The following DCDC1 variants were observed in gnomAD, a reference collection of about 807,000 sequenced individuals.
The protein encoded by DCDC1 is doublecortin domain containing 1, also known as doublecortin domain-containing protein 1.
DCDC1 carries 200 observed loss-of-function variants against 178.3 expected under a neutral mutation model. The observed-to-expected ratio is 1.12, with a 90% CI of 1.00 to 1.26. DCDC1 has a LOEUF of 1.26. Among genes scored for constraint, DCDC1 ranks in the 50% most tolerant of loss-of-function variants. The pLI is 0.00. For missense variants in DCDC1, 1,983 were observed against 1,749.2 expected, an observed-to-expected ratio of 1.13 and a Z score of -2.38; for synonymous variants, 690 against 604.8, an observed-to-expected ratio of 1.14 and a Z score of -2.07.
In DCDC1 at chr11:30,922,785, C is replaced by T. The variant is rs371731836; in HGVS notation, c.2998-147G>A. 118 of 750,788 alleles carry T rather than the reference C, an allele frequency of 1.6e-4. 1 individual carries two copies. The East Asian group carries it at 4.0e-3, about 25-fold the overall frequency. 46.5% of individuals were successfully genotyped at this position (750,788 alleles called of 1,614,324 possible). The stretch of plus-strand genomic sequence containing the variant: ...AAAGAAAACTGTGTACCACTCAGTA[C>T]TTTCAAAAAAATCAAACTGCTGATA... On this transcript the variant is annotated intron_variant, in intron 23 of 38. Transcript: ENST00000684477.
intron 11 of DCDC1, among the ~76,000 whole-genome samples, chr11:31,114,171 T>C (rs1218539127): frequency 6.6e-6 from 1 of 152,144 alleles, no homozygotes; most frequent in African/African-American, 2.4e-5. Flanking sequence ...ACTCAATGTA[T>C]CCCTAATTCA....
At chr11:31,195,233 A>T (rs1970560918) in intron 9 of DCDC1, among the ~76,000 whole-genome samples, 2 of 152,116 alleles carry the variant, frequency 1.3e-5, no homozygotes, top group African/African-American at 4.8e-5. Flanking sequence ...TAAAGAGTGG[A>T]TTGGAAGTTA....
rs758747670 is a variant in DCDC1 at position 30,911,415 on chromosome 11, A to G, written c.3659T>C (p.Phe1220Ser). The G allele has an allele frequency of 5.6e-6, 9 of 1,595,612 alleles. No individual in the cohort carries two copies. Among genetic ancestry groups the G allele is most frequent in the East Asian group, 2.3e-5 (1 of 44,308 alleles). The change falls in exon 28 of 39, where the codon TTT becomes TCT. Residue 1220 changes from phenylalanine (F) to serine (S), a missense_variant. Physicochemically the swap from Phe to Ser is radical, Grantham distance 155. Transcript: ENST00000684477. ...AAGGTCAGGGTTACTCACAAGGTGAAAGGTCCTTGGGAAAACAGGATTAGC... is the reference window on the plus strand; with the variant it reads ...AAGGTCAGGGTTACTCACAAGGTGAGAGGTCCTTGGGAAAACAGGATTAGC... ...RWIHQEDSRTFHLVSNPDLVL... is the reference protein window; with the variant it reads ...RWIHQEDSRTSHLVSNPDLVL...
chr11:31,326,414 AT>A (rs1343596253), intron 3 of DCDC1, among the ~76,000 whole-genome samples: 1 of 152,234 alleles, frequency 6.6e-6, no homozygotes, highest in East Asian at 1.9e-4. Context: ...AATAGTTAGA[AT>A]AAAAAGTGAA....
chr11:31,014,993 G>A (rs1952401554), intron 20 of DCDC1, among the ~76,000 whole-genome samples: 1 of 151,222 alleles, frequency 6.6e-6, no homozygotes, highest in South Asian at 2.1e-4. Context: ...TGTCGCCCGG[G>A]CTGGATTGCA....
chr11:31,304,307 T>C (rs1047511779), intron 6 of DCDC1, among the ~76,000 whole-genome samples: 2 of 152,144 alleles, frequency 1.3e-5, no homozygotes, highest in South Asian at 4.1e-4. Context: ...AGGATCTTAA[T>C]GAAGCAATCA....
At chr11:31,177,161 G>T (rs906944496) in intron 9 of DCDC1, among the ~76,000 whole-genome samples, 1 of 152,028 alleles carries the variant, frequency 6.6e-6, no homozygotes, top group African/African-American at 2.4e-5. Context: ...ATAAATTGTT[G>T]GGAGGAGGGG....
chr11:31,211,988 C>A (rs1443837680), intron 9 of DCDC1, among the ~76,000 whole-genome samples: 2 of 148,622 alleles, frequency 1.3e-5, no homozygotes, highest in Non-Finnish European at 3.0e-5. Flanking sequence ...GAGGCTGAGG[C>A]AAGAGAATGG....
At chr11:31,262,033 G>A (rs1944823206) in intron 8 of DCDC1, among the ~76,000 whole-genome samples, 1 of 151,890 alleles carries the variant, frequency 6.6e-6, no homozygotes. Flanking sequence ...GGGAGGCCAA[G>A]GTAGGAGGAT....
intron 18 of DCDC1, among the ~76,000 whole-genome samples, chr11:31,077,607 G>A (rs1246649258): frequency 2.0e-5 from 3 of 152,020 alleles, no homozygotes; most frequent in Non-Finnish European, 4.4e-5. Context: ...GAAGAAAACT[G>A]ATGCCCTAAA....
chr11:31,040,894 T>C (rs1385655268), intron 20 of DCDC1, among the ~76,000 whole-genome samples: 2 of 152,148 alleles, frequency 1.3e-5, no homozygotes, highest in Admixed American at 1.3e-4. Flanking sequence ...TCCTCTGGGG[T>C]TGATGTGGTG....
intron 20 of DCDC1, among the ~76,000 whole-genome samples, chr11:30,970,768 C>A (rs1298848253): frequency 6.6e-6 from 1 of 152,202 alleles, no homozygotes; most frequent in Non-Finnish European, 1.5e-5. Context: ...ATCCTTCCCC[C>A]AACTCAACCT....
chr11:31,337,941 G>A (rs901360321), intron 1 of DCDC1, among the ~76,000 whole-genome samples: 1 of 152,096 alleles, frequency 6.6e-6, no homozygotes, highest in African/African-American at 2.4e-5. Flanking sequence ...CACAAAGCTG[G>A]CCGAAAAACA....
intron 8 of DCDC1, among the ~76,000 whole-genome samples, chr11:31,253,172 G>C (rs764719031): frequency 1.3e-5 from 2 of 152,086 alleles, no homozygotes; most frequent in Non-Finnish European, 2.9e-5. Context: ...CATTGCAAAT[G>C]TAATTCAACA....
At position 31,194,223 on chromosome 11, in the gene DCDC1, C is replaced by T. The variant is rs147352174; in HGVS notation, c.1221+47227G>A. Among the ~76,000 whole-genome samples, 558 of 152,204 alleles carry T rather than the reference C, an allele frequency of 3.7e-3. 2 individuals are homozygous for T. Among genetic ancestry groups the T allele is most frequent in the African/African-American group, 0.013 (535 of 41,550 alleles). ...TCAGTGTTTAATGTCGACAAGATTA[C>T]TTCTTGTTGTGCCACTTGGGTGCAT... is the stretch of plus-strand genomic sequence containing the variant. On this transcript the variant is annotated intron_variant, in intron 9 of 38. Transcript: ENST00000684477.
At chr11:30,973,430 C>T (rs1949924641) in intron 20 of DCDC1, among the ~76,000 whole-genome samples, 1 of 152,024 alleles carries the variant, frequency 6.6e-6, no homozygotes, top group African/African-American at 2.4e-5. Context: ...TCCTTTACAG[C>T]CTGTGGAACC....
intron 29 of DCDC1, among the ~76,000 whole-genome samples, chr11:30,908,248 C>A (rs1443649555): frequency 6.6e-6 from 1 of 152,046 alleles, no homozygotes; most frequent in Non-Finnish European, 1.5e-5. Context: ...AATCTAATTA[C>A]AACTATAGGA....
chr11:31,017,139 A>G (rs981997024), intron 20 of DCDC1, among the ~76,000 whole-genome samples: 1 of 152,246 alleles, frequency 6.6e-6, no homozygotes, highest in Non-Finnish European at 1.5e-5. Context: ...GAAGTAAAAA[A>G]AAGATTAGCT....
intron 17 of DCDC1, among the ~76,000 whole-genome samples, chr11:31,088,142 G>T (rs1957593003): frequency 1.3e-5 from 2 of 151,452 alleles, no homozygotes; most frequent in South Asian, 4.2e-4. Flanking sequence ...TACTTTCTTT[G>T]TATTAATTTT....
Sources: allele counts gnomAD v4.1 joint callset (sites outside exome capture counted in the v4.1 genomes callset), GRCh38; gene constraint gnomAD v4.1.1; transcripts MANE v1.5; gene names NCBI Gene and HGNC (gene_info 2026-07-23, HGNC 2026-07-21).